Variants in SCARB2 observed in about 807,000 individuals in gnomAD.
The protein encoded by SCARB2 is lysosome membrane protein 2.
In SCARB2, 29 loss-of-function variants were observed where a neutral mutation model predicts 58.6. That is an observed-to-expected ratio of 0.49 (90% CI 0.37 to 0.67). The LOEUF (loss-of-function observed/expected upper bound fraction) is 0.67, where lower values mean the gene tolerates loss of function less well. Among genes scored for constraint, SCARB2 ranks in the 30% least tolerant of loss-of-function variants. The pLI, the probability that SCARB2 is intolerant of heterozygous loss-of-function variation, is 0.00. For missense variants in SCARB2, 488 were observed against 578.5 expected (o/e 0.84, Z 1.60); for synonymous variants, 195 against 210.1 (o/e 0.93, Z 0.62).
chr4:76,213,472 C>T lies in SCARB2; in HGVS notation c.72G>A (p.Leu24=), dbSNP rs2109974267. The T allele has an allele frequency of 1.2e-6, 2 of 1,610,934 alleles. No homozygotes were observed. The highest frequency in any genetic ancestry group is 1.7e-6 in the Non-Finnish European group (2 of 1,178,630). The stretch of plus-strand genomic sequence containing the variant: ...CAGCCTTCTGGAAGACCCGGGCCAC[C>T]AGCAGCGTGACGCTGGTCACCAGCA... The part of the protein sequence containing the change: ...LLLLVTSVTL[L]VARVFQKAVD... Residue 24 remains leucine, a synonymous_variant, in exon 1 of 12, where the codon CTG becomes CTA. Transcript: ENST00000264896.
At chr4:76,162,890 C>T in intron 11 of SCARB2, 1 of 494,690 alleles carries the variant, frequency 2.0e-6, no homozygotes, top group Non-Finnish European at 3.6e-6. Flanking sequence ...CTCAGGCAGT[C>T]TGACACCAAA....
intron 2 of SCARB2, chr4:76,184,878 A>G: frequency 4.1e-6 from 1 of 242,562 alleles, no homozygotes; most frequent in South Asian, 4.5e-5. Flanking sequence ...TGATCAATAC[A>G]CTCTCGTGAC....
At chr4:76,184,867 AT>A (rs1426464361) in intron 2 of SCARB2, 2 of 305,948 alleles carry the variant, frequency 6.5e-6, no homozygotes. Context: ...ACATGATGTG[AT>A]GATCAATACA....
At chr4:76,179,967 A>G in intron 3 of SCARB2, 1 of 498,762 alleles carries the variant, frequency 2.0e-6, no homozygotes, top group East Asian at 3.7e-5. Flanking sequence ...CAGACACCAC[A>G]AAAGGGGAAA....
chr4:76,168,598 G>A, intron 8 of SCARB2, 122 bp from the exon 9 acceptor site: 3 of 792,508 alleles, frequency 3.8e-6, no homozygotes, highest in Non-Finnish European at 6.4e-6. Flanking sequence ...TGTGTGACAG[G>A]CAGAGTGGAA....
Position 76,171,596 on chromosome 4 carries a change from A to G in SCARB2, c.995-1611T>C, listed in dbSNP as rs556445991. Among the ~76,000 whole-genome samples the G allele has an allele frequency of 3.3e-5, 5 of 152,348 alleles. No individual in the cohort carries two copies. The East Asian group carries it at 9.6e-4, about 29-fold the overall frequency. ...ATTGTAGCAAGAAGTTTAAATGTGT[A>G]AAGTAGAATACTTCTGTTGATTCTG... On this transcript the variant is annotated intron_variant, in intron 7 of 11. Coordinates refer to ENST00000264896, the MANE Select transcript of SCARB2 (RefSeq NM_005506.4).
chr4:76,227,762 CTT>C (rs1240968081), intron 1 of SCARB2, among the ~76,000 whole-genome samples: 3 of 152,162 alleles, frequency 2.0e-5, no homozygotes, highest in African/African-American at 4.8e-5. Flanking sequence ...GACTGATCCT[CTT>C]GTCACTATAT....
chr4:76,210,407 A>G (rs577088698), intron 1 of SCARB2, among the ~76,000 whole-genome samples: 1 of 152,290 alleles, frequency 6.6e-6, no homozygotes, highest in Admixed American at 6.5e-5. Context: ...GGCATTTAAT[A>G]TGTATCTCAG....
intron 8 of SCARB2, 41 bp from the exon 9 acceptor site, chr4:76,168,517 T>TA (rs1732062776): frequency 6.4e-7 from 1 of 1,561,288 alleles, no homozygotes; most frequent in African/African-American, 1.4e-5. Context: ...TAGGATTTAT[T>TA]AAACTGCAAA....
chr4:76,185,975 C>A (rs371923330), intron 2 of SCARB2, among the ~76,000 whole-genome samples: 2 of 152,220 alleles, frequency 1.3e-5, no homozygotes, highest in East Asian at 3.8e-4. Flanking sequence ...TACAACACTA[C>A]CTGGCACACC....
rs564332239 is a variant in SCARB2 at position 76,163,311 on chromosome 4, T to C, written c.1312A>G (p.Ile438Val). Residue 438 changes from isoleucine to valine, a missense_variant, in exon 11 of 12, where the codon ATA (isoleucine) becomes GTA (valine). Coordinates refer to ENST00000264896, the MANE Select transcript of SCARB2 (RefSeq NM_005506.4). ...MINTTLIITN[I>V]PYIIMALGVF... ...CCCAGCGCCATGATGATGTAGGGTA[T>C]GTTGGTGATGATCAAAGTAGTGTTA... 22 of 1,614,074 alleles carry C rather than the reference T, an allele frequency of 1.4e-5. No individual in the cohort carries two copies. The highest frequency in any genetic ancestry group is 1.8e-5 in the Non-Finnish European group (21 of 1,180,040).
At chr4:76,210,362 T>C (rs561411546) in intron 1 of SCARB2, among the ~76,000 whole-genome samples, 4 of 152,202 alleles carry the variant, frequency 2.6e-5, no homozygotes, top group Non-Finnish European at 5.9e-5. Flanking sequence ...CAGGACACTC[T>C]TCTTTCTATT....
intron 1 of SCARB2, among the ~76,000 whole-genome samples, chr4:76,196,543 G>A (rs1732716693): frequency 1.3e-5 from 2 of 152,078 alleles, no homozygotes; most frequent in African/African-American, 2.4e-5. Flanking sequence ...AAGCAATTCT[G>A]AAAAGCACCA....
At chr4:76,171,300 A>T (rs1376045636) in intron 7 of SCARB2, among the ~76,000 whole-genome samples, 4 of 152,098 alleles carry the variant, frequency 2.6e-5, no homozygotes, top group African/African-American at 7.2e-5. Context: ...AGTGTTTTAT[A>T]TATATTATTT....
rs747135196 is a variant in SCARB2, at chr4:76,163,247, T to C, written c.1376A>G (p.Lys459Arg). The change falls in exon 11 of 12, where the codon AAA becomes AGA. Residue 459 changes from lysine to arginine, a missense_variant. Transcript: ENST00000264896. ...FGLVFTWLAC[K>R]GQGSMDEGTA... ...CACCTCATCCATGGATCCCTGTCCT[T>C]TGCATGCAAGCCAGGTAAAAACCAA... The C allele has an allele frequency of 3.1e-6, 5 of 1,614,042 alleles. No homozygotes were observed. Among genetic ancestry groups the C allele is most frequent in the Non-Finnish European group, 4.2e-6 (5 of 1,180,032 alleles).
intron 9 of SCARB2, among the ~76,000 whole-genome samples, chr4:76,167,108 G>A (rs1732024928): frequency 6.6e-6 from 1 of 152,138 alleles, no homozygotes; most frequent in Admixed American, 6.5e-5. Flanking sequence ...CTGAGCAGGA[G>A]ATTATACTTT....
At chr4:76,192,442 C>T (rs983940099) in intron 2 of SCARB2, 1 of 152,324 alleles carries the variant, frequency 6.6e-6, no homozygotes, top group African/African-American at 2.4e-5. Context: ...GAAGTTTGAA[C>T]TTGAGAGTGA....
chr4:76,166,406 A>T, intron 9 of SCARB2, 105 bp from the exon 10 acceptor site: 1 of 1,213,180 alleles, frequency 8.2e-7, no homozygotes, highest in Non-Finnish European at 1.2e-6. Flanking sequence ...CTTATTTCTT[A>T]AATTACCCAG....
chr4:76,189,707 A>C (rs1732563319), intron 2 of SCARB2, among the ~76,000 whole-genome samples: 1 of 152,136 alleles, frequency 6.6e-6, no homozygotes, highest in African/African-American at 2.4e-5. Context: ...CCTGACCTCA[A>C]GTGATCTGCC....
Sources: gnomAD v4.1 joint callset for allele counts (sites outside exome capture counted in the v4.1 genomes callset) on GRCh38, gnomAD v4.1.1 for gene constraint, MANE v1.5 for transcripts, NCBI Gene and HGNC (gene_info 2026-07-23, HGNC 2026-07-21) for gene names.